The following ZFAT variants were observed in gnomAD, a reference collection of about 807,000 sequenced individuals.
ZFAT encodes zinc finger protein ZFAT.
In ZFAT, 64 loss-of-function variants were observed where a neutral mutation model predicts 117.7. That is an observed-to-expected ratio of 0.54 (90% confidence interval 0.44 to 0.67). The LOEUF (loss-of-function observed/expected upper bound fraction) is 0.67, where lower values mean the gene tolerates loss of function less well. Among genes scored for constraint, ZFAT ranks in the 30% least tolerant of loss-of-function variants. The pLI, the probability that ZFAT is intolerant of heterozygous loss-of-function variation, is 0.00. For synonymous variants in ZFAT, 679 were observed against 615.0 expected (o/e 1.10, Z -1.54); for missense variants, 1,433 against 1,584.5 (o/e 0.90, Z 1.62).
the ZFAT span, among the ~76,000 whole-genome samples, chr8:134,809,380 A>C: frequency 6.6e-6 from 1 of 152,214 alleles, no homozygotes; most frequent in East Asian, 1.9e-4. Flanking sequence ...TAGTCTCAAT[A>C]ACATGCCTAA....
chr8:134,747,544 G>A, the ZFAT span, among the ~76,000 whole-genome samples: 1 of 152,102 alleles, frequency 6.6e-6, no homozygotes, highest in Non-Finnish European at 1.5e-5. Context: ...AATCAGCAAG[G>A]TCCTAACAAT....
chr8:134,501,634 C>T (rs761315256), intron 15 of ZFAT, among the ~76,000 whole-genome samples: 1 of 152,066 alleles, frequency 6.6e-6, no homozygotes, highest in Non-Finnish European at 1.5e-5. Flanking sequence ...CACACACGCA[C>T]AGGCAAGATG....
At chr8:134,653,155 G>GT (rs139144295) in intron 2 of ZFAT, among the ~76,000 whole-genome samples, 32,721 of 144,372 alleles carry the variant, frequency 0.23, 3,946 homozygotes, top group East Asian at 0.32. Flanking sequence ...TTTTGGTGGG[G>GT]TTTTTTTTTT....
the ZFAT span, among the ~76,000 whole-genome samples, chr8:134,735,757 A>C: frequency 2.0e-5 from 3 of 152,220 alleles, no homozygotes; most frequent in East Asian, 5.8e-4. Flanking sequence ...AATGCATATA[A>C]GCTTATACTT....
chr8:134,683,466 C>G (rs1040246778), intron 1 of ZFAT, among the ~76,000 whole-genome samples: 2 of 152,136 alleles, frequency 1.3e-5, no homozygotes, highest in African/African-American at 4.8e-5. Context: ...GGCAGAGATC[C>G]CTGTGGCTGG....
the ZFAT span, among the ~76,000 whole-genome samples, chr8:134,724,331 G>C: frequency 6.6e-6 from 1 of 152,178 alleles, no homozygotes; most frequent in Non-Finnish European, 1.5e-5. Context: ...AGGTGACCCA[G>C]GGTGACATTT....
intron 1 of ZFAT, among the ~76,000 whole-genome samples, chr8:134,684,776 C>T (rs1316434842): frequency 1.3e-5 from 2 of 152,168 alleles, no homozygotes; most frequent in Non-Finnish European, 1.5e-5. Context: ...TTCATTGCAA[C>T]GAGAAACTTG....
At chr8:134,664,933 A>T (rs529801946) in intron 1 of ZFAT, among the ~76,000 whole-genome samples, 1 of 152,370 alleles carries the variant, frequency 6.6e-6, no homozygotes, top group Non-Finnish European at 1.5e-5. Context: ...TGAGCATTCA[A>T]TTCCTAGTAA....
At position 134,668,918 on chromosome 8, in the gene ZFAT, G is replaced by A. The variant is rs559316503; in HGVS notation, c.20-11181C>T. Among the ~76,000 whole-genome samples, 50 of 152,296 alleles carry A rather than the reference G, an allele frequency of 3.3e-4. No homozygotes were observed. The South Asian group carries it at 6.4e-3, about 20-fold the overall frequency. The stretch of plus-strand genomic sequence containing the variant: ...TAGAGAAGTCCTTAAATACCTGATG[G>A]AGGTGAAAACCATGGCAGGAGAACT... On this transcript the variant is annotated intron_variant, in intron 1 of 15. Transcript: ENST00000377838.
intron 11 of ZFAT, among the ~76,000 whole-genome samples, chr8:134,551,752 C>T (rs747918327): frequency 3.9e-5 from 6 of 152,216 alleles, no homozygotes; most frequent in African/African-American, 1.4e-4. Flanking sequence ...CTCATCCAAA[C>T]ATCACCTTTG....
intron 1 of ZFAT, among the ~76,000 whole-genome samples, chr8:134,711,443 C>A (rs572068311): frequency 5.9e-5 from 9 of 152,290 alleles, no homozygotes; most frequent in African/African-American, 2.2e-4. Context: ...TCATTTTAGG[C>A]TAACCTAAGA....
rs530168134 is a variant in ZFAT at position 134,506,488 on chromosome 8, C to A, written c.3492+3131G>T. The stretch of plus-strand genomic sequence containing the variant: ...GAATTTAAATGGTCTCAATTATGGG[C>A]AAAATCTTTTCCTTGTCTCTTTAAA... On this transcript the variant is annotated intron_variant, in intron 15 of 15. Coordinates refer to ENST00000377838, the MANE Select transcript of ZFAT (RefSeq NM_020863.4). Among the ~76,000 whole-genome samples, 3 of 152,294 alleles carry A rather than the reference C, an allele frequency of 2.0e-5. No homozygotes were observed. The East Asian group carries it at 5.8e-4, about 29-fold the overall frequency.
intron 12 of ZFAT, among the ~76,000 whole-genome samples, chr8:134,527,455 T>C (rs1220193946): frequency 6.6e-6 from 1 of 152,212 alleles, no homozygotes; most frequent in Non-Finnish European, 1.5e-5. Context: ...GGAAAGTGGA[T>C]ATGGAAAAAT....
intron 15 of ZFAT, among the ~76,000 whole-genome samples, chr8:134,483,853 C>T (rs974777531): frequency 1.3e-5 from 2 of 152,210 alleles, no homozygotes; most frequent in Non-Finnish European, 2.9e-5. Context: ...GACCCCATGT[C>T]TTCCTTGGCT....
intron 3 of ZFAT, among the ~76,000 whole-genome samples, chr8:134,625,994 C>T (rs1032131041): frequency 6.6e-6 from 1 of 152,204 alleles, no homozygotes; most frequent in Admixed American, 6.5e-5. Context: ...CACCAGCCTA[C>T]CACATAGTCC....
chr8:134,759,976 A>G, the ZFAT span, among the ~76,000 whole-genome samples: 18 of 136,604 alleles, frequency 1.3e-4, no homozygotes, highest in Middle Eastern at 4.8e-3. Flanking sequence ...GTCTCAAAAA[A>G]AAAAAAAAAA....
chr8:134,483,682 G>A (rs141955343), intron 15 of ZFAT, among the ~76,000 whole-genome samples: 4 of 152,244 alleles, frequency 2.6e-5, no homozygotes, highest in African/African-American at 7.2e-5. Context: ...TAGATAGCTC[G>A]ATAGAAACCC....
chr8:134,545,762 A>C (rs1822650025), intron 11 of ZFAT, among the ~76,000 whole-genome samples: 1 of 152,198 alleles, frequency 6.6e-6, no homozygotes. Context: ...TGGGCTCAGG[A>C]AGACCCCACA....
At chr8:134,638,549 C>CAAACAAA (rs1830373281) in intron 2 of ZFAT, among the ~76,000 whole-genome samples, 1 of 101,076 alleles carries the variant, frequency 9.9e-6, no homozygotes. Context: ...ACTAAAAATA[C>CAAACAAA]AAAAAAAAAA....
Sources: allele counts gnomAD v4.1 joint callset (sites outside exome capture counted in the v4.1 genomes callset), GRCh38; gene constraint gnomAD v4.1.1; transcripts MANE v1.5; gene names NCBI Gene and HGNC (gene_info 2026-07-23, HGNC 2026-07-21).